MYO18B: variants seen among roughly 807,000 people sequenced by gnomAD.
MYO18B encodes the protein myosin XVIIIB, also known as unconventional myosin-XVIIIb.
Under a neutral mutation model 273.0 loss-of-function variants are expected in MYO18B, and 204 were observed. The observed-to-expected ratio is 0.75, with a 90% CI of 0.67 to 0.84. The LOEUF (loss-of-function observed/expected upper bound fraction) is 0.84, where lower values mean the gene tolerates loss of function less well. Among genes scored for constraint, MYO18B ranks in the 40% least tolerant of loss-of-function variants. MYO18B has a pLI of 0.00. For missense variants in MYO18B, 3,212 were observed against 3,287.6 expected (o/e 0.98, Z 0.56); for synonymous variants, 1,330 against 1,305.7 (o/e 1.02, Z -0.40).
chr22:25,857,996 AT>A (rs1268616539), intron 21 of MYO18B, among the ~76,000 whole-genome samples: 2 of 152,216 alleles, frequency 1.3e-5, no homozygotes, highest in African/African-American at 4.8e-5. Flanking sequence ...TTTCCACTCA[AT>A]TTTAATCAAC....
the MYO18B span, among the ~76,000 whole-genome samples, chr22:26,062,055 G>A: frequency 1.3e-5 from 2 of 152,136 alleles, no homozygotes; most frequent in Admixed American, 6.5e-5. Context: ...TCTCTGTGTG[G>A]GGATCATCTC....
chr22:26,062,340 A>G, the MYO18B span, among the ~76,000 whole-genome samples: 1 of 152,188 alleles, frequency 6.6e-6, no homozygotes, highest in Non-Finnish European at 1.5e-5. Context: ...TTTTCTAACA[A>G]GGATTTCAGG....
intron 1 of MYO18B, among the ~76,000 whole-genome samples, chr22:25,758,592 G>T (rs1485231151): frequency 6.6e-6 from 1 of 152,140 alleles, no homozygotes; most frequent in Non-Finnish European, 1.5e-5. Flanking sequence ...AGTGAAAGCG[G>T]CCAGGGGTAA....
chr22:25,822,574 A>G (rs2089322105), intron 12 of MYO18B, among the ~76,000 whole-genome samples: 1 of 152,160 alleles, frequency 6.6e-6, no homozygotes, highest in Non-Finnish European at 1.5e-5. Context: ...CTCAGTCAAC[A>G]TGTACACAGT....
intron 42 of MYO18B, among the ~76,000 whole-genome samples, chr22:26,009,798 G>A (rs1197437977): frequency 6.6e-6 from 1 of 152,120 alleles, no homozygotes; most frequent in African/African-American, 2.4e-5. Context: ...TCACTTGGCT[G>A]ATTCTCTCTC....
chr22:25,792,490 TTC>T (rs1555893135), intron 11 of MYO18B, among the ~76,000 whole-genome samples: 18 of 44,388 alleles, frequency 4.1e-4, no homozygotes, highest in Middle Eastern at 0.011. Flanking sequence ...TCTTTTTTTT[TTC>T]TTTTCTTTTT....
chr22:25,912,475 G>T (rs1015779420), intron 33 of MYO18B, among the ~76,000 whole-genome samples: 1 of 152,194 alleles, frequency 6.6e-6, no homozygotes, highest in South Asian at 2.1e-4. Flanking sequence ...AATTTTACAT[G>T]TAAAGAGAAG....
chr22:25,928,577 A>C (rs1435607692), intron 34 of MYO18B, among the ~76,000 whole-genome samples: 4 of 151,952 alleles, frequency 2.6e-5, no homozygotes, highest in East Asian at 3.9e-4. Flanking sequence ...TAAGATAATC[A>C]TTTGGTTCTT....
At chr22:25,817,086 G>C (rs558432283) in intron 12 of MYO18B, among the ~76,000 whole-genome samples, 1 of 152,236 alleles carries the variant, frequency 6.6e-6, no homozygotes, top group South Asian at 2.1e-4. Flanking sequence ...TCTCTCTCTC[G>C]CTCTCATTTT....
At chr22:25,823,945 G>A (rs1171537428) in intron 13 of MYO18B, among the ~76,000 whole-genome samples, 1 of 152,198 alleles carries the variant, frequency 6.6e-6, no homozygotes, top group Non-Finnish European at 1.5e-5. Context: ...CGTGGGCAGG[G>A]CCGATGGACC....
chr22:26,001,311 AC>A (rs1235350499), intron 40 of MYO18B, among the ~76,000 whole-genome samples: 3 of 152,244 alleles, frequency 2.0e-5, no homozygotes, highest in Admixed American at 6.5e-5. Flanking sequence ...AGGACTATTT[AC>A]AAAGGTGTGA....
At chr22:25,905,605 G>A (rs1384055153) in intron 31 of MYO18B, among the ~76,000 whole-genome samples, 2 of 152,188 alleles carry the variant, frequency 1.3e-5, no homozygotes, top group East Asian at 3.8e-4. Flanking sequence ...CTAGGCAGGG[G>A]ACCAGCCTGT....
intron 1 of MYO18B, among the ~76,000 whole-genome samples, chr22:25,744,368 C>T (rs1364740961): frequency 6.6e-6 from 1 of 152,164 alleles, no homozygotes; most frequent in Non-Finnish European, 1.5e-5. Flanking sequence ...CTGCTAGATA[C>T]AAACAACTGT....
rs781639764 is a variant in MYO18B at position 25,843,846 on chromosome 22, C to G, written c.3320C>G (p.Pro1107Arg). 2.5e-5 allele frequency: 40 copies of G among 1,613,416 alleles called. No individual in the cohort carries two copies. The highest frequency in any genetic ancestry group is 3.2e-5 in the Non-Finnish European group (38 of 1,179,538). ...DLTGWLHRAKPNLSALDAPQV... is the reference protein window; with the variant it reads ...DLTGWLHRAKRNLSALDAPQV... ...ACGGGCTGGCTCCACAGAGCCAAGC[C>G]CAACCTCTCGGCCCTGGATGCACCC... The change falls in exon 18 of 44, where the codon CCC (proline) becomes CGC (arginine). Residue 1107 changes from proline to arginine, a missense_variant. Pro to Arg is a moderately radical substitution (Grantham distance 103). Coordinates refer to ENST00000335473, the MANE Select transcript of MYO18B (RefSeq NM_032608.7).
intron 27 of MYO18B, among the ~76,000 whole-genome samples, chr22:25,893,456 C>T (rs749038109): frequency 5.3e-5 from 8 of 152,184 alleles, no homozygotes; most frequent in Non-Finnish European, 8.8e-5. Context: ...ACAGTTTCCC[C>T]TCTTGTTCGT....
the MYO18B span, among the ~76,000 whole-genome samples, chr22:26,052,642 G>A: frequency 6.6e-6 from 1 of 152,150 alleles, no homozygotes. Flanking sequence ...AGAAAGAAGA[G>A]GAAAAGTTGG....
intron 1 of MYO18B, among the ~76,000 whole-genome samples, chr22:25,752,167 A>G (rs1394731039): frequency 1.3e-5 from 2 of 150,402 alleles, no homozygotes; most frequent in African/African-American, 2.5e-5. Context: ...TTTGACAAAT[A>G]TTTAACTTTT....
At chr22:25,796,028 C>T (rs2087892338) in intron 11 of MYO18B, among the ~76,000 whole-genome samples, 1 of 152,276 alleles carries the variant, frequency 6.6e-6, no homozygotes, top group South Asian at 2.1e-4. Context: ...CAGTTCATCA[C>T]CCAAGTTCTC....
chr22:25,750,218 T>C (rs2085893831), intron 1 of MYO18B, among the ~76,000 whole-genome samples: 1 of 152,094 alleles, frequency 6.6e-6, no homozygotes, highest in African/African-American at 2.4e-5. Flanking sequence ...GAGAACAGCC[T>C]GAAGGCGCCT....
Sources: gnomAD v4.1 joint callset for allele counts (sites outside exome capture counted in the v4.1 genomes callset) on GRCh38, gnomAD v4.1.1 for gene constraint, MANE v1.5 for transcripts, NCBI Gene and HGNC (gene_info 2026-07-23, HGNC 2026-07-21) for gene names.